Variants in DENND1A observed in about 807,000 individuals in gnomAD.
DENND1A encodes DENN domain containing 1A.
A neutral mutation model predicts 113.7 loss-of-function variants in DENND1A; 51 were observed. The observed-to-expected ratio is 0.45, with a 90% CI of 0.36 to 0.57. The LOEUF is 0.57. Among genes scored for constraint, DENND1A ranks in the 20% least tolerant of loss-of-function variants. DENND1A has a pLI of 0.00. For missense variants in DENND1A, 1,258 were observed against 1,395.9 expected (o/e 0.90, Z 1.57); for synonymous variants, 565 against 570.8 (o/e 0.99, Z 0.14).
At chr9:123,651,889 G>T in intron 9 of DENND1A, 124 bp downstream of exon 9, 1 of 650,106 alleles carries the variant, frequency 1.5e-6, no homozygotes, top group Non-Finnish European at 2.5e-6. Context: ...TAATGAAAAT[G>T]ACATGCTGCC....
At chr9:123,660,414 A>G (rs942616344) in intron 8 of DENND1A, among the ~76,000 whole-genome samples, 8 of 152,180 alleles carry the variant, frequency 5.3e-5, no homozygotes, top group Admixed American at 1.3e-4. Flanking sequence ...GAGGTAGCAT[A>G]CAGTGCAGAC....
intron 8 of DENND1A, among the ~76,000 whole-genome samples, chr9:123,654,909 G>C (rs1233147947): frequency 6.6e-6 from 1 of 152,202 alleles, no homozygotes; most frequent in Non-Finnish European, 1.5e-5. Flanking sequence ...AGCAGCTGCA[G>C]GGAGCACTCG....
At chr9:123,786,677 T>C (rs999313669) in intron 3 of DENND1A, among the ~76,000 whole-genome samples, 3 of 152,180 alleles carry the variant, frequency 2.0e-5, no homozygotes, top group African/African-American at 7.2e-5. Flanking sequence ...TCAGAACATA[T>C]CATCACTTGT....
rs370140041 is a variant in DENND1A, at chr9:123,381,861, C to A, written c.2784G>T (p.Ala928=). 170 of 1,460,698 alleles carry A rather than the reference C, an allele frequency of 1.2e-4. No individual in the cohort carries two copies. Among genetic ancestry groups the A allele is most frequent in the Non-Finnish European group, 1.4e-4 (156 of 1,106,788 alleles). 90.5% of individuals were successfully genotyped at this position (1,460,698 alleles called of 1,614,324 possible). The change falls in exon 24 of 24, where the codon GCG becomes GCT. Residue 928 remains alanine, a synonymous_variant. Transcript: ENST00000394215. The surrounding 1 kb of genome is among the most constrained non-coding windows in gnomAD (Gnocchi z 4.7). ...CAGCACTGGACAGCAGGAGGCCGGA[C>A]GCAAAAGCCGGCCCCAGGGAAGCTG... The part of the protein sequence containing the change: ...APPASLGPAF[A]SGLLLSSAGF...
chr9:123,488,784 G>T (rs901049140), intron 13 of DENND1A, among the ~76,000 whole-genome samples: 3 of 152,186 alleles, frequency 2.0e-5, no homozygotes, highest in African/African-American at 4.8e-5. Flanking sequence ...TCCACAAACC[G>T]AGATAAAGTG....
At chr9:123,461,103 A>G (rs2048489326) in intron 13 of DENND1A, among the ~76,000 whole-genome samples, 1 of 152,142 alleles carries the variant, frequency 6.6e-6, no homozygotes, top group Admixed American at 6.5e-5. Context: ...CTCCAAACGC[A>G]TCCCATGATC....
At position 123,401,510 on chromosome 9, in the gene DENND1A, C is replaced by T. The variant is rs182498831; in HGVS notation, c.1631+1892G>A. ...GTACCCCTCTGTCTCCTTGTGGGCC[C>T]GAGCCACTGTGACGTACGCTCACAG... On this transcript the variant is annotated intron_variant, in intron 21 of 23. Coordinates refer to ENST00000394215, the MANE Select transcript of DENND1A (RefSeq NM_001352964.2). The T allele has an allele frequency of 4.7e-5, 59 of 1,259,996 alleles. 1 individual carries two copies. In the Admixed American group the frequency reaches 6.9e-4, roughly 15 times the overall value. 78.1% of individuals were successfully genotyped at this position (1,259,996 alleles called of 1,614,324 possible).
intron 4 of DENND1A, among the ~76,000 whole-genome samples, chr9:123,763,589 TG>T (rs1402998592): frequency 6.6e-6 from 1 of 152,106 alleles, no homozygotes; most frequent in Non-Finnish European, 1.5e-5. Context: ...TACAAACAGA[TG>T]GTATTTAACA....
chr9:123,518,871 C>T (rs2054156306), intron 13 of DENND1A, among the ~76,000 whole-genome samples: 1 of 152,174 alleles, frequency 6.6e-6, no homozygotes, highest in Non-Finnish European at 1.5e-5. Flanking sequence ...TTAACTGTGT[C>T]ACACCCATTT....
intron 11 of DENND1A, among the ~76,000 whole-genome samples, chr9:123,602,555 A>T (rs577416047): frequency 7.9e-5 from 12 of 152,348 alleles, no homozygotes; most frequent in African/African-American, 2.4e-4. Context: ...AGTCCTCAGC[A>T]CAGTGGTTGG....
chr9:123,920,904 CTAAT>C, intron 1 of DENND1A, among the ~76,000 whole-genome samples: 1 of 152,134 alleles, frequency 6.6e-6, no homozygotes, highest in South Asian at 2.1e-4. Context: ...TGTTATAATT[CTAAT>C]TGTTTGCACG....
At chr9:123,585,819 G>A (rs1048078897) in intron 11 of DENND1A, among the ~76,000 whole-genome samples, 1 of 152,204 alleles carries the variant, frequency 6.6e-6, no homozygotes, top group African/African-American at 2.4e-5. Flanking sequence ...GGCTGCGTCT[G>A]TAAAATTAAA....
At chr9:123,712,163 C>G (rs2066679482) in intron 5 of DENND1A, among the ~76,000 whole-genome samples, 1 of 152,216 alleles carries the variant, frequency 6.6e-6, no homozygotes, top group Admixed American at 6.5e-5. Flanking sequence ...ACTGTCCAGC[C>G]TTTTCCACTA....
At chr9:123,884,356 C>T (rs775138514) in intron 1 of DENND1A, among the ~76,000 whole-genome samples, 2 of 152,158 alleles carry the variant, frequency 1.3e-5, no homozygotes, top group Non-Finnish European at 2.9e-5. Flanking sequence ...ACATTCAGAG[C>T]CAATTTTCCA....
chr9:123,583,160 A>G lies in DENND1A; in HGVS notation c.867+9T>C, dbSNP rs201365196. 2.5e-6 allele frequency: 4 copies of G among 1,601,918 alleles called. No homozygotes were observed. The East Asian group carries it at 9.0e-5, about 36-fold the overall frequency. On this transcript the variant is annotated intron_variant, in intron 12 of 23. Coordinates refer to ENST00000394215, the MANE Select transcript of DENND1A (RefSeq NM_001352964.2). ...ACAGAAGTGAGATCCTCGCAAGCTCATTACCTACCACGTCGTTTGGGAGGC... is the reference window on the plus strand; with the variant it reads ...ACAGAAGTGAGATCCTCGCAAGCTCGTTACCTACCACGTCGTTTGGGAGGC...
intron 4 of DENND1A, among the ~76,000 whole-genome samples, chr9:123,762,118 C>G (rs2071092270): frequency 6.6e-6 from 1 of 152,208 alleles, no homozygotes; most frequent in Non-Finnish European, 1.5e-5. Flanking sequence ...CCACGCTGCA[C>G]TAAACACAAT....
intron 13 of DENND1A, among the ~76,000 whole-genome samples, chr9:123,507,714 G>T (rs1358157459): frequency 6.6e-6 from 1 of 151,454 alleles, no homozygotes; most frequent in African/African-American, 2.4e-5. Context: ...AATTAGCCAG[G>T]CGTGGTTGCA....
At position 123,440,422 on chromosome 9, in the gene DENND1A, C is replaced by T. The variant is rs757627460; in HGVS notation, c.1426G>A (p.Val476Met). The T allele has an allele frequency of 2.5e-6, 4 of 1,587,150 alleles. No individual in the cohort carries two copies. The Admixed American group carries it at 7.6e-5, about 30-fold the overall frequency. The change falls in exon 19 of 24, where the codon GTG becomes ATG. Residue 476 changes from valine (V) to methionine (M), a missense_variant. Val to Met is a conservative substitution (Grantham distance 21). Transcript: ENST00000394215. ...CGGAGCTTGGGGTCCTTGGCCTCCA[C>T]CAGTGGGGACGGTGCAGTCTTTGGC... ...QLPKTAPSPL[V>M]EAKDPKLRED...
chr9:123,600,765 A>G (rs1320031821), intron 11 of DENND1A, among the ~76,000 whole-genome samples: 1 of 151,928 alleles, frequency 6.6e-6, no homozygotes, highest in Non-Finnish European at 1.5e-5. Flanking sequence ...CAGGAGGCGG[A>G]GGATGCAGTG....
Sources: allele counts gnomAD v4.1 joint callset (sites outside exome capture counted in the v4.1 genomes callset), GRCh38; gene constraint gnomAD v4.1.1; non-coding constraint Gnocchi (gnomAD v3.1); transcripts MANE v1.5; gene names NCBI Gene and HGNC (gene_info 2026-07-23, HGNC 2026-07-21).